Variants in AHCY observed in about 807,000 individuals in gnomAD.
The protein encoded by AHCY is S-adenosyl-L-homocysteine hydrolase.
A neutral mutation model predicts 45.4 loss-of-function variants in AHCY; 24 were observed. The ratio of observed to expected loss-of-function variants is 0.53; its 90% CI spans 0.38 to 0.74. The LOEUF is 0.74. AHCY is among the 30% of genes least tolerant of loss of function. The probability of loss-of-function intolerance (pLI) is 0.00; values close to 1 mark genes in which losing one functional copy is unlikely to be tolerated. For synonymous variants in AHCY, 245 were observed against 235.1 expected (o/e 1.04, Z -0.39); for missense variants, 449 against 594.1 (o/e 0.76, Z 2.54).
chr20:34,240,299 GA>G, the AHCY span, among the ~76,000 whole-genome samples: 1 of 152,172 alleles, frequency 6.6e-6, no homozygotes, highest in African/African-American at 2.4e-5. Context: ...CTGGGCTTGT[GA>G]AAAATTTAAT....
chr20:34,279,109 CAAAAAAAA>C (rs11467322), downstream of AHCY, among the ~76,000 whole-genome samples: 1 of 55,628 alleles, frequency 1.8e-5, no homozygotes, highest in Non-Finnish European at 3.1e-5. Flanking sequence ...GACTCCGTCT[CAAAAAAAA>C]AAAAAAAAAA....
the AHCY span, among the ~76,000 whole-genome samples, chr20:34,272,955 G>A: frequency 6.6e-6 from 1 of 152,242 alleles, no homozygotes; most frequent in African/African-American, 2.4e-5. Flanking sequence ...GATGCATAGG[G>A]TGAGGTATGG....
At chr20:34,309,268 C>T (rs1018041732) in intron 1 of AHCY, among the ~76,000 whole-genome samples, 1 of 152,110 alleles carries the variant, frequency 6.6e-6, no homozygotes, top group Non-Finnish European at 1.5e-5. Flanking sequence ...CCGGATTTAT[C>T]TATTTCTATC....
chr20:34,266,203 T>C, the AHCY span, among the ~76,000 whole-genome samples: 1 of 151,186 alleles, frequency 6.6e-6, no homozygotes, highest in African/African-American at 2.4e-5. Context: ...AATACAAAAA[T>C]TAGCCGGAGG....
At chr20:34,277,754 C>CAAAAA (rs59920283), downstream of AHCY, among the ~76,000 whole-genome samples, 5 of 39,732 alleles carry the variant, frequency 1.3e-4, no homozygotes, top group African/African-American at 2.3e-4. Flanking sequence ...GACTCCATCT[C>CAAAAA]AAAAAAAAAA....
chr20:34,262,322 T>C, the AHCY span, among the ~76,000 whole-genome samples: 1 of 152,148 alleles, frequency 6.6e-6, no homozygotes, highest in Non-Finnish European at 1.5e-5. Flanking sequence ...GGAGGATAAG[T>C]AAGTTACCCA....
chr20:34,278,514 C>T (rs2035930676), downstream of AHCY, among the ~76,000 whole-genome samples: 1 of 152,136 alleles, frequency 6.6e-6, no homozygotes, highest in Admixed American at 6.5e-5. Context: ...CAGCAGCCAC[C>T]CCAGTAGAAG....
chr20:34,247,369 C>T, the AHCY span, among the ~76,000 whole-genome samples: 5 of 145,888 alleles, frequency 3.4e-5, no homozygotes, highest in African/African-American at 1.3e-4. Context: ...GGTGTGATCT[C>T]GGCTCACTGC....
the AHCY span, among the ~76,000 whole-genome samples, chr20:34,258,690 T>TATATATATATATATATATATACAC: frequency 1.7e-4 from 12 of 72,326 alleles, no homozygotes; most frequent in Non-Finnish European, 2.3e-4. Flanking sequence ...TATATATATA[T>TATATATATATATATATATATACAC]ACATACTATA....
chr20:34,295,702 C>G, intron 1 of AHCY, 117 bp from the exon 2 acceptor site: 1 of 1,028,448 alleles, frequency 9.7e-7, no homozygotes, highest in Non-Finnish European at 1.5e-6. Context: ...GCTTAGCACT[C>G]TGTCACCGCA....
rs768882353 is a variant in AHCY at position 34,290,537 on chromosome 20, C to G, written c.854+14G>C. On this transcript the variant is annotated intron_variant, in intron 7 of 9. Coordinates refer to ENST00000217426, the MANE Select transcript of AHCY (RefSeq NM_000687.4). The surrounding 1 kb of genome is among the most constrained non-coding windows in gnomAD (Gnocchi z 4.5). ...TCCTCCCTCACTCCCCGGGACCCCCCATCTGGCACCTACCGGCCAAGGATG... is the reference window on the plus strand; with the variant it reads ...TCCTCCCTCACTCCCCGGGACCCCCGATCTGGCACCTACCGGCCAAGGATG... 1.2e-6 allele frequency: 2 copies of G among 1,614,132 alleles called. No homozygotes were observed. Among genetic ancestry groups the G allele is most frequent in the Admixed American group, 1.7e-5 (1 of 60,034 alleles).
the AHCY span, among the ~76,000 whole-genome samples, chr20:34,244,081 CA>C: frequency 2.0e-5 from 3 of 151,946 alleles, no homozygotes; most frequent in Non-Finnish European, 4.4e-5. Context: ...AACAAACAAA[CA>C]AAAAAACTCT....
chr20:34,266,970 G>A, the AHCY span, among the ~76,000 whole-genome samples: 1 of 152,132 alleles, frequency 6.6e-6, no homozygotes, highest in African/African-American at 2.4e-5. Flanking sequence ...AGGAGCACTG[G>A]ATTAGGTATT....
chr20:34,293,890 A>C (rs1262074938), intron 3 of AHCY, 191 bp downstream of exon 3: 4 of 674,372 alleles, frequency 5.9e-6, no homozygotes, highest in Non-Finnish European at 1.1e-5. Flanking sequence ...TCAATAAACA[A>C]CTTCCACAGG....
chr20:34,274,722 G>C, the AHCY span, among the ~76,000 whole-genome samples: 1 of 152,122 alleles, frequency 6.6e-6, no homozygotes, highest in Non-Finnish European at 1.5e-5. Flanking sequence ...CGAGGCAGGA[G>C]GATTGCTTGA....
chr20:34,281,260 G>T, intron 9 of AHCY, 95 bp from the exon 10 acceptor site: 1 of 1,559,536 alleles, frequency 6.4e-7, no homozygotes, highest in Non-Finnish European at 8.7e-7. Context: ...GTTCTGTTAG[G>T]GTTTCTGCCA....
chr20:34,301,251 G>A (rs781556167), intron 1 of AHCY, among the ~76,000 whole-genome samples: 2 of 152,180 alleles, frequency 1.3e-5, no homozygotes, highest in African/African-American at 4.8e-5. Flanking sequence ...CGGCTGTATG[G>A]GACAATGGGT....
the AHCY span, among the ~76,000 whole-genome samples, chr20:34,265,291 G>A: frequency 2.0e-5 from 3 of 152,054 alleles, no homozygotes; most frequent in African/African-American, 4.8e-5. Flanking sequence ...GGGAGGTTGA[G>A]GTTGGCAGAT....
At chr20:34,272,514 CTT>C in the AHCY span, among the ~76,000 whole-genome samples, 1 of 152,208 alleles carries the variant, frequency 6.6e-6, no homozygotes, top group Non-Finnish European at 1.5e-5. Flanking sequence ...GCCTCTAGAA[CTT>C]TTGACAACTG....
Sources: gnomAD v4.1 joint callset for allele counts (sites outside exome capture counted in the v4.1 genomes callset) on GRCh38, gnomAD v4.1.1 for gene constraint, Gnocchi (gnomAD v3.1) non-coding constraint, MANE v1.5 for transcripts, NCBI Gene and HGNC (gene_info 2026-07-23, HGNC 2026-07-21) for gene names.